The following UNC80 variants were observed in gnomAD, a reference collection of about 807,000 sequenced individuals.
UNC80 encodes the protein unc-80 subunit of NALCN channel complex.
A neutral mutation model predicts 384.6 loss-of-function variants in UNC80; 164 were observed. That is an observed-to-expected ratio of 0.43 (90% CI 0.38 to 0.49). UNC80 has a LOEUF of 0.49. UNC80 is among the 20% of genes least tolerant of loss of function. The pLI, the probability that UNC80 is intolerant of heterozygous loss-of-function variation, is 0.00. For synonymous variants in UNC80, 1,486 were observed against 1,527.8 expected (o/e 0.97, Z 0.64); for missense variants, 3,330 against 4,143.0 (o/e 0.80, Z 5.39).
rs149934781 is a variant in UNC80, at chr2:209,802,856, T to G, written c.938+8997T>G. Among the ~76,000 whole-genome samples the G allele has an allele frequency of 6.6e-5, 10 of 152,324 alleles. No individual in the cohort carries two copies. The East Asian group carries it at 1.9e-3, about 29-fold the overall frequency. On this transcript the variant is annotated intron_variant, in intron 7 of 64. Coordinates refer to ENST00000673920, the MANE Select transcript of UNC80 (RefSeq NM_001371986.1). ...TATCCAGTTACAGTTTCTCTCAGGT[T>G]GTTGACAGAATTCATTTCCTTGCAG...
rs527400873 is a variant in UNC80, at chr2:209,888,586, T to C, written c.4276+326T>C. Among the ~76,000 whole-genome samples the C allele has an allele frequency of 3.9e-5, 6 of 152,102 alleles. No individual in the cohort carries two copies. The South Asian group carries it at 1.0e-3, about 26-fold the overall frequency. ...CTCTTATCACTTAGCTTGTCTTTTA[T>C]TGGTTTTTTTTGTTTGTTTGTTGCT... On this transcript the variant is annotated intron_variant, in intron 26 of 64. Transcript: ENST00000673920.
intron 23 of UNC80, among the ~76,000 whole-genome samples, chr2:209,877,601 C>G (rs2084894979): frequency 6.6e-6 from 1 of 152,164 alleles, no homozygotes; most frequent in South Asian, 2.1e-4. Context: ...TGATGTTTTA[C>G]TGCAACAAAA....
At chr2:209,826,077 A>G in intron 14 of UNC80, 24 bp downstream of exon 14, 1 of 1,538,796 alleles carries the variant, frequency 6.5e-7, no homozygotes, top group South Asian at 1.2e-5. Flanking sequence ...AGTAGATTCC[A>G]TTTCCTCTCC....
intron 25 of UNC80, among the ~76,000 whole-genome samples, chr2:209,884,090 A>C (rs1049411224): frequency 1.3e-5 from 2 of 152,206 alleles, no homozygotes; most frequent in Non-Finnish European, 2.9e-5. Context: ...AAAGAAAGGG[A>C]AGGGCAGCAT....
At chr2:209,965,851 T>C (rs541347865) in intron 51 of UNC80, among the ~76,000 whole-genome samples, 3 of 151,876 alleles carry the variant, frequency 2.0e-5, no homozygotes, top group African/African-American at 4.8e-5. Context: ...CAGGATATTA[T>C]GACTATTATG....
chr2:209,773,057 T>G lies in UNC80; in HGVS notation c.93-37T>G, dbSNP rs765046916. On this transcript the variant is annotated intron_variant, in intron 1 of 64. Coordinates refer to ENST00000673920, the MANE Select transcript of UNC80 (RefSeq NM_001371986.1). ...AAGGATGCTTTAATAATAATTTTAC[T>G]TATGTTTATTAACAAATATCTCTAT... 7 of 1,521,074 alleles carry G rather than the reference T, an allele frequency of 4.6e-6. No individual in the cohort carries two copies. The South Asian group carries it at 8.0e-5, about 17-fold the overall frequency. 94.2% of individuals were successfully genotyped at this position (1,521,074 alleles called of 1,614,324 possible).
chr2:209,939,730 T>G (rs2091501357), intron 43 of UNC80, 78 bp downstream of exon 43: 23 of 1,318,488 alleles, frequency 1.7e-5, no homozygotes, highest in Non-Finnish European at 2.3e-5. Context: ...TTTATTATTA[T>G]TATACTTTAA....
intron 25 of UNC80, among the ~76,000 whole-genome samples, chr2:209,882,891 C>T (rs1248400899): frequency 1.3e-5 from 2 of 152,040 alleles, no homozygotes; most frequent in African/African-American, 4.8e-5. Flanking sequence ...ATTATTGTAA[C>T]AAATTTATTT....
At chr2:209,812,081 G>A (rs2079391671) in intron 7 of UNC80, among the ~76,000 whole-genome samples, 1 of 151,922 alleles carries the variant, frequency 6.6e-6, no homozygotes, top group African/African-American at 2.4e-5. Flanking sequence ...ATGGAGTCTC[G>A]CTCCGTAGCC....
chr2:209,882,438 C>G (rs2085385497), intron 25 of UNC80, among the ~76,000 whole-genome samples: 1 of 152,144 alleles, frequency 6.6e-6, no homozygotes, highest in Non-Finnish European at 1.5e-5. Context: ...CACTCTAGAA[C>G]AGAAAGTGGA....
intron 47 of UNC80, among the ~76,000 whole-genome samples, chr2:209,950,352 T>G (rs2092114069): frequency 6.6e-6 from 1 of 152,080 alleles, no homozygotes; most frequent in African/African-American, 2.4e-5. Context: ...AAAATTTTAA[T>G]GACTATGAGG....
chr2:209,982,933 A>AT (rs1433100236), intron 60 of UNC80: 2 of 118,898 alleles, frequency 1.7e-5, no homozygotes, highest in Non-Finnish European at 3.5e-5. Flanking sequence ...GTAAAAAAAA[A>AT]CTTCCCATGT....
rs76424107 is a variant in UNC80, at chr2:209,772,982, G to A, written c.93-112G>A. The A allele has an allele frequency of 6.5e-3, 5,628 of 863,446 alleles. 197 individuals carry two copies. The African/African-American group carries it at 0.082, about 13-fold the overall frequency. The allele number at this position is 863,446 out of a possible 1,614,324, so 53.5% of individuals were successfully genotyped here. On this transcript the variant is annotated intron_variant, in intron 1 of 64. Coordinates refer to ENST00000673920, the MANE Select transcript of UNC80 (RefSeq NM_001371986.1). ...TCATTAAAAAGCTATAAGGAAGCAT[G>A]AAATTTGAATTTCATAGCATCCTGT...
At chr2:209,853,600 T>C (rs1250372051) in intron 22 of UNC80, among the ~76,000 whole-genome samples, 1 of 152,032 alleles carries the variant, frequency 6.6e-6, no homozygotes, top group East Asian at 1.9e-4. Context: ...AAAGGATTGA[T>C]TTCATCTCTA....
chr2:209,985,950 AT>A (rs201529533), intron 61 of UNC80, among the ~76,000 whole-genome samples: 28 of 149,518 alleles, frequency 1.9e-4, no homozygotes, highest in African/African-American at 2.7e-4. Context: ...CATCGGGTGT[AT>A]TTTTTTTTTA....
chr2:209,838,532 C>T (rs981780705), intron 18 of UNC80, among the ~76,000 whole-genome samples: 3 of 152,012 alleles, frequency 2.0e-5, no homozygotes, highest in African/African-American at 7.3e-5. Flanking sequence ...ATGCATTTCC[C>T]GGGTGTGGTG....
intron 36 of UNC80, among the ~76,000 whole-genome samples, chr2:209,927,245 A>G (rs1295106101): frequency 6.6e-6 from 1 of 152,230 alleles, no homozygotes; most frequent in Non-Finnish European, 1.5e-5. Context: ...ACCAGAGAAC[A>G]GAACAACACA....
rs956435150 is a variant in UNC80, at chr2:209,939,475, T to G, written c.6469T>G (p.Phe2157Val). The change falls in exon 43 of 65, where the codon TTC becomes GTC. Residue 2157 changes from phenylalanine (F) to valine (V), a missense_variant. Physicochemically the swap from Phe to Val is conservative, Grantham distance 50 (BLOSUM62 -1). This residue lies in a region of UNC80 where 1,049 missense variants were observed against 1,488.6 expected (regional missense o/e 0.70). Coordinates refer to ENST00000673920, the MANE Select transcript of UNC80 (RefSeq NM_001371986.1). ...KGQELIQKQVFTRKLEEVGRV... is the reference protein window; with the variant it reads ...KGQELIQKQVVTRKLEEVGRV... ...CTCCTGCTTTTGTTTTCTCCAGGTG[T>G]TCACCCGAAAGCTGGAAGAAGTAGG... The G allele has an allele frequency of 6.5e-7, 1 of 1,549,274 alleles. No individual in the cohort carries two copies. Among genetic ancestry groups the G allele is most frequent in the African/African-American group, 1.4e-5 (1 of 73,116 alleles).
chr2:209,786,162 G>T lies in UNC80; in HGVS notation c.697G>T (p.Val233Leu), dbSNP rs542501600. 1.9e-6 allele frequency: 3 copies of T among 1,613,940 alleles called. No individual in the cohort carries two copies. Among genetic ancestry groups the T allele is most frequent in the East Asian group, 4.5e-5 (2 of 44,870 alleles). Residue 233 changes from valine (V) to leucine (L), a missense_variant, in exon 5 of 65, where the codon GTG becomes TTG. This residue lies in a region of UNC80 where 937 missense variants were observed against 1,026.8 expected (regional missense o/e 0.91). Coordinates refer to ENST00000673920, the MANE Select transcript of UNC80 (RefSeq NM_001371986.1). ...QPGVSGFTAL[V>L]KPIRNIITAK... ...CGGAGTCTCTGGCTTTACCGCACTGGTGAAGCCCATCAGGAACATCATTAC... is the reference window on the plus strand; with the variant it reads ...CGGAGTCTCTGGCTTTACCGCACTGTTGAAGCCCATCAGGAACATCATTAC...
Sources: allele counts gnomAD v4.1 joint callset (sites outside exome capture counted in the v4.1 genomes callset), GRCh38; gene constraint gnomAD v4.1.1; regional missense constraint gnomAD v4.1.1; transcripts MANE v1.5; gene names NCBI Gene and HGNC (gene_info 2026-07-23, HGNC 2026-07-21).